WWOX: variants seen among roughly 807,000 people sequenced by gnomAD.
WWOX encodes the protein WW domain containing oxidoreductase.
Under a neutral mutation model 46.2 loss-of-function variants are expected in WWOX, and 69 were observed. That is an observed-to-expected ratio of 1.49 (90% CI 1.23 to 1.82). WWOX has a LOEUF of 1.82. WWOX is among the 40% of genes most tolerant of loss of function. The pLI is 0.00. For synonymous variants in WWOX, 359 were observed against 202.6 expected (o/e 1.77, Z -6.56); for missense variants, 919 against 542.6 (o/e 1.69, Z -6.89).
At chr16:78,411,247 G>A (rs1471944288) in intron 6 of WWOX, among the ~76,000 whole-genome samples, 1 of 152,126 alleles carries the variant, frequency 6.6e-6, no homozygotes, top group South Asian at 2.1e-4. Flanking sequence ...CTAGGACAGT[G>A]CGTTTGAGAT....
intron 8 of WWOX, among the ~76,000 whole-genome samples, chr16:78,662,719 G>T (rs7192686): frequency 2.4e-4 from 37 of 152,278 alleles, no homozygotes; most frequent in African/African-American, 8.7e-4. Flanking sequence ...ATTGAGGGTG[G>T]TCATTGACTG....
intron 8 of WWOX, among the ~76,000 whole-genome samples, chr16:78,714,980 G>C (rs1162806243): frequency 6.6e-6 from 1 of 152,162 alleles, no homozygotes; most frequent in Non-Finnish European, 1.5e-5. Flanking sequence ...CACTATAACT[G>C]CTCGGTAGAG....
At chr16:78,494,253 T>C (rs1481402200) in intron 8 of WWOX, among the ~76,000 whole-genome samples, 1 of 152,172 alleles carries the variant, frequency 6.6e-6, no homozygotes, top group Non-Finnish European at 1.5e-5. Context: ...TGATCCCGTC[T>C]AGTTCCTGCA....
Position 79,093,335 on chromosome 16 carries a change from ATTTG to A in WWOX, c.1057-118269_1057-118266del, listed in dbSNP as rs1359980946. Among the ~76,000 whole-genome samples, 4 of 152,314 alleles carry A rather than the reference ATTTG, an allele frequency of 2.6e-5. No individual in the cohort carries two copies. In the East Asian group the frequency reaches 7.7e-4, roughly 29 times the overall value. On this transcript the variant is annotated intron_variant, in intron 8 of 8. Coordinates refer to ENST00000566780, the MANE Select transcript of WWOX (RefSeq NM_016373.4). ...TTGCGTTTAGGGGATGAGACTCTAA[ATTTG>A]TTTATTTAAATTTTCTCATTTTAAA...
At chr16:78,100,082 G>T in intron 1 of WWOX, 197 bp downstream of exon 1, 3 of 1,386,296 alleles carry the variant, frequency 2.2e-6, no homozygotes, top group Non-Finnish European at 2.8e-6. Context: ...GGTCCAGCGG[G>T]GGTCACCTGG....
chr16:79,000,967 G>A (rs1356956192), intron 8 of WWOX, among the ~76,000 whole-genome samples: 2 of 152,136 alleles, frequency 1.3e-5, no homozygotes, highest in Non-Finnish European at 2.9e-5. Context: ...TCAACTATGA[G>A]ATTCCTAGGG....
chr16:79,000,415 A>G (rs1391491751), intron 8 of WWOX, among the ~76,000 whole-genome samples: 1 of 152,160 alleles, frequency 6.6e-6, no homozygotes, highest in East Asian at 1.9e-4. Flanking sequence ...TCATCTTCAG[A>G]TTGAAAGATC....
intron 8 of WWOX, among the ~76,000 whole-genome samples, chr16:78,762,690 T>G (rs1033179491): frequency 1.3e-5 from 2 of 152,196 alleles, no homozygotes; most frequent in African/African-American, 4.8e-5. Flanking sequence ...GAATCCACTG[T>G]GGCTGAGAAC....
intron 8 of WWOX, among the ~76,000 whole-genome samples, chr16:78,833,646 G>C (rs775487075): frequency 6.6e-6 from 1 of 152,166 alleles, no homozygotes; most frequent in African/African-American, 2.4e-5. Context: ...CATTACTGAT[G>C]TGTTTAAGAA....
intron 8 of WWOX, among the ~76,000 whole-genome samples, chr16:78,864,530 A>G (rs2043960311): frequency 6.6e-6 from 1 of 152,026 alleles, no homozygotes; most frequent in African/African-American, 2.4e-5. Context: ...TGGCCTCCCA[A>G]AATGCTGGGA....
chr16:79,001,152 A>T (rs1171661098), intron 8 of WWOX, among the ~76,000 whole-genome samples: 1 of 152,212 alleles, frequency 6.6e-6, no homozygotes, highest in Non-Finnish European at 1.5e-5. Context: ...GGGAGCTGCG[A>T]TTTAATTTGC....
At chr16:78,915,860 G>C (rs187084058) in intron 8 of WWOX, among the ~76,000 whole-genome samples, 2 of 152,146 alleles carry the variant, frequency 1.3e-5, no homozygotes, top group African/African-American at 4.8e-5. Context: ...CTTTATAACA[G>C]GAAGAACGCT....
chr16:78,896,575 T>G (rs752969881), intron 8 of WWOX: 6 of 152,154 alleles, frequency 3.9e-5, no homozygotes, highest in Non-Finnish European at 7.4e-5. Flanking sequence ...CTGGGACATA[T>G]GACACTGAAG....
At chr16:78,332,084 C>A (rs1260021634) in intron 5 of WWOX, among the ~76,000 whole-genome samples, 1 of 152,162 alleles carries the variant, frequency 6.6e-6, no homozygotes, top group Non-Finnish European at 1.5e-5. Flanking sequence ...CTCAAGCCTT[C>A]CCTGGGCCAT....
intron 8 of WWOX, among the ~76,000 whole-genome samples, chr16:78,547,759 G>T (rs997141901): frequency 2.0e-5 from 3 of 151,986 alleles, no homozygotes; most frequent in Admixed American, 6.6e-5. Flanking sequence ...TCTCTATCTG[G>T]CCTCTTTTAA....
intron 8 of WWOX, chr16:78,891,951 G>T (rs769045040): frequency 2.0e-5 from 3 of 152,302 alleles, no homozygotes; most frequent in South Asian, 2.1e-4. Context: ...GTAGGTCGGG[G>T]AGGTCTTCCC....
chr16:78,875,606 A>G (rs1338428265), intron 8 of WWOX, among the ~76,000 whole-genome samples: 1 of 152,134 alleles, frequency 6.6e-6, no homozygotes, highest in Non-Finnish European at 1.5e-5. Flanking sequence ...TCTCAAGGTG[A>G]GTATCGTCAG....
intron 8 of WWOX, among the ~76,000 whole-genome samples, chr16:79,100,828 C>T (rs949036937): frequency 6.6e-6 from 1 of 152,066 alleles, no homozygotes; most frequent in African/African-American, 2.4e-5. Flanking sequence ...CCGTGGAGCA[C>T]ACGAGATCCT....
chr16:78,743,372 C>A (rs1002895890), intron 8 of WWOX, among the ~76,000 whole-genome samples: 3 of 152,166 alleles, frequency 2.0e-5, no homozygotes, highest in African/African-American at 7.2e-5. Flanking sequence ...CAAACAGAAT[C>A]TTCCCAGGGA....
Sources: gnomAD v4.1 joint callset for allele counts (sites outside exome capture counted in the v4.1 genomes callset) on GRCh38, gnomAD v4.1.1 for gene constraint, MANE v1.5 for transcripts, NCBI Gene and HGNC (gene_info 2026-07-23, HGNC 2026-07-21) for gene names.